Variants in TBC1D9 observed in about 807,000 individuals in gnomAD.
TBC1D9 encodes TBC1 domain family member 9A.
TBC1D9 carries 63 observed loss-of-function variants against 132.0 expected under a neutral mutation model. The ratio of observed to expected loss-of-function variants is 0.48; its 90% CI spans 0.39 to 0.59. The LOEUF (loss-of-function observed/expected upper bound fraction) is 0.59. Ranked by LOEUF, TBC1D9 falls within the 20% of genes least tolerant of loss-of-function variation. TBC1D9 has a pLI of 0.00. For missense variants in TBC1D9, 1,261 were observed against 1,592.7 expected (o/e 0.79, Z 3.54); for synonymous variants, 610 against 609.9 (o/e 1.00, Z 0.00).
chr4:140,631,894 G>A (rs1476209815), intron 16 of TBC1D9, among the ~76,000 whole-genome samples: 1 of 152,132 alleles, frequency 6.6e-6, no homozygotes, highest in Non-Finnish European at 1.5e-5. Flanking sequence ...ACGGGGCCTG[G>A]CCCATTCTTT....
intron 13 of TBC1D9, among the ~76,000 whole-genome samples, chr4:140,648,385 GTTTTT>G (rs1243797618): frequency 8.2e-6 from 1 of 121,870 alleles, no homozygotes; most frequent in Admixed American, 8.1e-5. Context: ...TTTTGTTGTT[GTTTTT>G]TTTTTTTTTT....
At chr4:140,734,838 T>C (rs999972576) in intron 1 of TBC1D9, among the ~76,000 whole-genome samples, 19 of 152,126 alleles carry the variant, frequency 1.2e-4, no homozygotes, top group African/African-American at 4.6e-4. Flanking sequence ...ACCTAATTAA[T>C]GTTTTTTGCT....
At chr4:140,703,138 A>C (rs1027213253) in intron 1 of TBC1D9, among the ~76,000 whole-genome samples, 2 of 152,318 alleles carry the variant, frequency 1.3e-5, no homozygotes, top group Admixed American at 1.3e-4. Context: ...TTGGGATAGA[A>C]CTAATGGTAT....
intron 7 of TBC1D9, 64 bp from the exon 8 acceptor site, chr4:140,669,868 G>A (rs1038003816): frequency 6.7e-7 from 1 of 1,483,082 alleles, no homozygotes; most frequent in South Asian, 1.2e-5. Flanking sequence ...CTTCTTCAGT[G>A]TCTTCTGTAT....
chr4:140,624,314 C>T lies in TBC1D9; in HGVS notation c.2974G>A (p.Gly992Arg). ...AACATATAGAAGAGAATATCCTTAC[C>T]TTTGTCTGGCTTTAGGCTCACCGTA... ...FVTVSLKPDK[G>R]KRANSQENRN... is the part of the protein sequence containing the mutation. Residue 992 changes from glycine (G) to arginine (R), a missense_variant and splice_region_variant, in exon 19 of 21, where the codon GGG becomes AGG. Physicochemically the swap from Gly to Arg is moderately radical, Grantham distance 125. Transcript: ENST00000442267. The T allele has an allele frequency of 6.2e-7, 1 of 1,613,640 alleles. No homozygotes were observed. Among genetic ancestry groups the T allele is most frequent in the Non-Finnish European group, 8.5e-7 (1 of 1,179,764 alleles).
chr4:140,682,374 C>T (rs767327408), intron 3 of TBC1D9, among the ~76,000 whole-genome samples: 35 of 151,878 alleles, frequency 2.3e-4, no homozygotes, highest in Non-Finnish European at 4.4e-5. Flanking sequence ...AATTTTGGAC[C>T]CAGGCTATTC....
chr4:140,736,499 C>T (rs940551219), intron 1 of TBC1D9, among the ~76,000 whole-genome samples: 5 of 152,076 alleles, frequency 3.3e-5, no homozygotes, highest in East Asian at 1.9e-4. Flanking sequence ...AAGATCATGC[C>T]GCTGTACTCC....
At chr4:140,690,260 A>G (rs996066770) in intron 2 of TBC1D9, among the ~76,000 whole-genome samples, 1 of 152,074 alleles carries the variant, frequency 6.6e-6, no homozygotes. Context: ...ATTGAAGTTC[A>G]GGTTTACTAT....
chr4:140,715,365 T>C (rs138416534), intron 1 of TBC1D9, among the ~76,000 whole-genome samples: 68 of 152,330 alleles, frequency 4.5e-4, no homozygotes, highest in African/African-American at 1.5e-3. Flanking sequence ...TTTCAGTTTA[T>C]ACCCTCCAGT....
intron 3 of TBC1D9, among the ~76,000 whole-genome samples, chr4:140,681,921 A>G (rs1737709390): frequency 6.6e-6 from 1 of 152,190 alleles, no homozygotes; most frequent in Admixed American, 6.5e-5. Context: ...CTTAATTTAC[A>G]TGCTGGCAGA....
intron 18 of TBC1D9, 70 bp from the exon 19 acceptor site, chr4:140,624,458 G>A: frequency 1.4e-6 from 2 of 1,394,304 alleles, no homozygotes; most frequent in Non-Finnish European, 2.0e-6. Flanking sequence ...AGCATTTGTA[G>A]TGGAAAATAG....
At chr4:140,633,879 C>T in intron 16 of TBC1D9, 69 bp downstream of exon 16, 1 of 1,574,510 alleles carries the variant, frequency 6.4e-7, no homozygotes, top group Non-Finnish European at 8.7e-7. Flanking sequence ...GCCCTGAGGG[C>T]AGCATGGGCA....
chr4:140,666,626 C>A lies in TBC1D9; in HGVS notation c.1588+2291G>T, dbSNP rs377738890. Among the ~76,000 whole-genome samples the A allele has an allele frequency of 1.3e-4, 20 of 152,190 alleles. No individual in the cohort carries two copies. The East Asian group carries it at 3.7e-3, about 28-fold the overall frequency. ...GTGCTGGGATTACAGGCGTGAGCCACCGCGCCCAGCCTATATCTATTTTCC... is the reference window on the plus strand; with the variant it reads ...GTGCTGGGATTACAGGCGTGAGCCAACGCGCCCAGCCTATATCTATTTTCC... On this transcript the variant is annotated intron_variant, in intron 9 of 20. Coordinates refer to ENST00000442267, the MANE Select transcript of TBC1D9 (RefSeq NM_015130.3).
At position 140,661,925 on chromosome 4, in the gene TBC1D9, C is replaced by T. The variant is rs1737367587; in HGVS notation, c.1771G>A (p.Ala591Thr). ...AALRRVLTAY[A>T]FRNPNIGYCQ... is the part of the protein sequence containing the mutation. The stretch of plus-strand genomic sequence containing the variant: ...TACCCTATGTTGGGATTTCGAAAAG[C>T]ATAAGCTGTTAAGACTCTCCTTAGT... The change falls in exon 10 of 21, where the codon GCT becomes ACT. Residue 591 changes from alanine to threonine, a missense_variant. By Grantham distance (58) the Ala-to-Thr change is moderately conservative (BLOSUM62 0). Coordinates refer to ENST00000442267, the MANE Select transcript of TBC1D9 (RefSeq NM_015130.3). 6.2e-7 allele frequency: 1 copy of T among 1,613,842 alleles called. No individual in the cohort carries two copies. The highest frequency in any genetic ancestry group is 8.5e-7 in the Non-Finnish European group (1 of 1,179,890).
At chr4:140,674,617 T>C (rs1040566168) in intron 6 of TBC1D9, among the ~76,000 whole-genome samples, 1 of 151,828 alleles carries the variant, frequency 6.6e-6, no homozygotes, top group African/African-American at 2.4e-5. Flanking sequence ...GGAGCTCATG[T>C]CTAGTCTGTG....
chr4:140,754,701 T>C (rs1416095817), intron 1 of TBC1D9, among the ~76,000 whole-genome samples: 1 of 150,206 alleles, frequency 6.7e-6, no homozygotes, highest in Non-Finnish European at 1.5e-5. Flanking sequence ...ACATTTAGAG[T>C]TAGATAACTT....
At chr4:140,700,084 C>A (rs1738040390) in intron 2 of TBC1D9, among the ~76,000 whole-genome samples, 1 of 151,838 alleles carries the variant, frequency 6.6e-6, no homozygotes, top group Non-Finnish European at 1.5e-5. Flanking sequence ...CTCACCTGAG[C>A]CCAGGAGTTC....
chr4:140,698,515 C>T (rs1277545641), intron 2 of TBC1D9, among the ~76,000 whole-genome samples: 13 of 152,078 alleles, frequency 8.5e-5, no homozygotes, highest in Admixed American at 5.9e-4. Flanking sequence ...TTTTGGAGGC[C>T]GAGGTGGGCG....
intron 2 of TBC1D9, among the ~76,000 whole-genome samples, chr4:140,692,178 T>C (rs115824256): frequency 0.018 from 2,703 of 152,176 alleles, 71 homozygotes; most frequent in African/African-American, 0.062. Context: ...TGTATGTGCA[T>C]ACAAAAATAA....
Sources: allele counts gnomAD v4.1 joint callset (sites outside exome capture counted in the v4.1 genomes callset), GRCh38; gene constraint gnomAD v4.1.1; transcripts MANE v1.5; gene names NCBI Gene and HGNC (gene_info 2026-07-23, HGNC 2026-07-21).